The following COG3 variants were observed in gnomAD, a reference collection of about 807,000 sequenced individuals.
COG3 encodes the protein conserved oligomeric Golgi complex subunit 3.
Under a neutral mutation model 114.1 loss-of-function variants are expected in COG3, and 32 were observed. The ratio of observed to expected loss-of-function variants is 0.28; its 90% confidence interval spans 0.21 to 0.38. The LOEUF is 0.38. Ranked by LOEUF, COG3 falls within the 10% of genes least tolerant of loss-of-function variation. The pLI is 1.00. For synonymous variants in COG3, 352 were observed against 365.7 expected (o/e 0.96, Z 0.43); for missense variants, 813 against 973.2 (o/e 0.84, Z 2.19).
intron 2 of COG3, among the ~76,000 whole-genome samples, chr13:45,478,560 C>A (rs991455974): frequency 6.6e-6 from 1 of 151,734 alleles, no homozygotes; most frequent in Non-Finnish European, 1.5e-5. Flanking sequence ...GTGATCTTGG[C>A]TCACTGCAAC....
intron 2 of COG3, among the ~76,000 whole-genome samples, chr13:45,477,595 A>G (rs2137791419): frequency 6.6e-6 from 1 of 151,752 alleles, no homozygotes; most frequent in East Asian, 1.9e-4. Context: ...GCCAGAATTC[A>G]GATCCAGGGC....
chr13:45,502,997 T>TA (rs1447960325), intron 13 of COG3, among the ~76,000 whole-genome samples: 1 of 152,290 alleles, frequency 6.6e-6, no homozygotes, highest in Admixed American at 6.5e-5. Flanking sequence ...TGCTAATTTT[T>TA]AAAAAATATC....
At chr13:45,489,186 CAAAAAAAAAAAA>C (rs71074703) in intron 8 of COG3, among the ~76,000 whole-genome samples, 2 of 30,410 alleles carry the variant, frequency 6.6e-5, no homozygotes, top group South Asian at 2.3e-3. Flanking sequence ...GACTCTGTTT[CAAAAAAAAAAAA>C]AAAAAAAAAA....
At chr13:45,482,307 C>A in intron 5 of COG3, 74 bp from the exon 6 acceptor site, 1 of 741,828 alleles carries the variant, frequency 1.3e-6, no homozygotes, top group Non-Finnish European at 2.2e-6. Flanking sequence ...AATATGCTGA[C>A]TCTAATCCAT....
At chr13:45,500,076 GTGTGTGTGTGTGTGTGTGTATATATATA>G (rs1869326194) in intron 13 of COG3, among the ~76,000 whole-genome samples, 2 of 50,084 alleles carry the variant, frequency 4.0e-5, no homozygotes, top group African/African-American at 1.2e-4. Flanking sequence ...GAGTGTGTGT[GTGTGTGTGTGTGTGTGTGTATATATATA>G]TATATATATA....
At chr13:45,534,618 C>G (rs1873431021) in intron 22 of COG3, 84 bp from the exon 23 acceptor site, 1 of 980,510 alleles carries the variant, frequency 1.0e-6, no homozygotes, top group South Asian at 1.7e-5. Flanking sequence ...TTTTTCAACC[C>G]TTGTGGTTCC....
At chr13:45,498,643 GT>G (rs1168821567) in intron 13 of COG3, among the ~76,000 whole-genome samples, 3 of 151,352 alleles carry the variant, frequency 2.0e-5, no homozygotes, top group Non-Finnish European at 4.4e-5. Context: ...TGGTTTTTTT[GT>G]TTTGTTTTGT....
intron 7 of COG3, among the ~76,000 whole-genome samples, chr13:45,485,211 CGGCT>C (rs1886527792): frequency 8.8e-6 from 1 of 113,778 alleles, no homozygotes; most frequent in Non-Finnish European, 1.9e-5. Flanking sequence ...CCGGACGGGG[CGGCT>C]GGCCGGGCAG....
intron 20 of COG3, among the ~76,000 whole-genome samples, chr13:45,527,707 A>G (rs1253407107): frequency 6.6e-6 from 1 of 152,132 alleles, no homozygotes; most frequent in Non-Finnish European, 1.5e-5. Context: ...ATTAGAGGAC[A>G]CTTTAGTCAC....
At chr13:45,472,313 G>C (rs1376478604) in intron 1 of COG3, among the ~76,000 whole-genome samples, 1 of 152,076 alleles carries the variant, frequency 6.6e-6, no homozygotes, top group East Asian at 1.9e-4. Context: ...CTGTGTGTAT[G>C]TGTGTATTCT....
chr13:45,472,205 T>C (rs1405980254), intron 1 of COG3, among the ~76,000 whole-genome samples: 1 of 152,226 alleles, frequency 6.6e-6, no homozygotes, highest in East Asian at 1.9e-4. Context: ...TTTACCTTTA[T>C]TTCTCTGTAT....
rs566083120 is a variant in COG3, at chr13:45,503,170, T to C, written c.1489-74T>C. ...AAGTTGAAAATATATATATATGTAC[T>C]TTGTATAAAGAACATGTTCATGTTG... On this transcript the variant is annotated intron_variant, in intron 13 of 22. Transcript: ENST00000349995. 7.8e-5 allele frequency: 55 copies of C among 701,016 alleles called. No individual in the cohort carries two copies. The African/African-American group carries it at 9.2e-4, about 12-fold the overall frequency. 43.4% of individuals were successfully genotyped at this position (701,016 alleles called of 1,614,324 possible).
intron 7 of COG3, 81 bp downstream of exon 7, chr13:45,483,436 A>G: frequency 1.7e-6 from 2 of 1,210,002 alleles, no homozygotes; most frequent in Admixed American, 2.8e-5. Context: ...TTTGGCTGAG[A>G]TTAGTACTTT....
intron 13 of COG3, among the ~76,000 whole-genome samples, chr13:45,500,700 A>G (rs2137854043): frequency 6.6e-6 from 1 of 152,254 alleles, no homozygotes; most frequent in African/African-American, 2.4e-5. Context: ...GTAGTGAGTC[A>G]CTGGTATTTA....
chr13:45,468,971 G>C (rs1409176329), intron 1 of COG3, among the ~76,000 whole-genome samples: 1 of 152,208 alleles, frequency 6.6e-6, no homozygotes, highest in African/African-American at 2.4e-5. Context: ...CAGCTGCCTA[G>C]TCTACTTAAT....
intron 20 of COG3, among the ~76,000 whole-genome samples, chr13:45,526,793 T>C (rs1872741204): frequency 6.6e-6 from 1 of 152,212 alleles, no homozygotes; most frequent in Non-Finnish European, 1.5e-5. Flanking sequence ...CAGGATCTTT[T>C]ACCGACAATA....
intron 14 of COG3, among the ~76,000 whole-genome samples, chr13:45,505,585 G>A (rs1439964355): frequency 2.0e-5 from 3 of 151,026 alleles, no homozygotes; most frequent in African/African-American, 7.4e-5. Flanking sequence ...GATTACAGGC[G>A]TGAGCCACTG....
At chr13:45,473,801 G>A (rs898024606) in intron 1 of COG3, among the ~76,000 whole-genome samples, 1 of 150,290 alleles carries the variant, frequency 6.7e-6, no homozygotes, top group Admixed American at 6.6e-5. Flanking sequence ...GTGTAGATGC[G>A]GCTTATCTCA....
chr13:45,533,100 T>A (rs1028511369), intron 22 of COG3, among the ~76,000 whole-genome samples: 1 of 151,886 alleles, frequency 6.6e-6, no homozygotes, highest in African/African-American at 2.4e-5. Flanking sequence ...GATGTGCTCT[T>A]CTGAGTGCTT....
Sources: gnomAD v4.1 joint callset for allele counts (sites outside exome capture counted in the v4.1 genomes callset) on GRCh38, gnomAD v4.1.1 for gene constraint, MANE v1.5 for transcripts, NCBI Gene and HGNC (gene_info 2026-07-23, HGNC 2026-07-21) for gene names.